Variants in SEC61A1 observed in about 807,000 individuals in gnomAD.
The protein encoded by SEC61A1 is protein transport protein Sec61 subunit alpha isoform 1.
In SEC61A1, 15 loss-of-function variants were observed where a neutral mutation model predicts 55.2. That is an observed-to-expected ratio of 0.27 (90% confidence interval 0.18 to 0.42). SEC61A1 has a LOEUF of 0.42. Ranked by LOEUF, SEC61A1 falls within the 10% of genes least tolerant of loss-of-function variation. The pLI is 1.00. For synonymous variants in SEC61A1, 247 were observed against 234.0 expected (o/e 1.06, Z -0.51); for missense variants, 284 against 602.6 (o/e 0.47, Z 5.53).
intron 11 of SEC61A1, among the ~76,000 whole-genome samples, chr3:128,069,114 A>G (rs1428424169): frequency 6.6e-6 from 1 of 152,270 alleles, no homozygotes; most frequent in Non-Finnish European, 1.5e-5. Flanking sequence ...AAAAAGAAAC[A>G]GGTGAAATTA....
In SEC61A1 at chr3:128,071,105, C is replaced by A. The variant is rs966413495; in HGVS notation, c.*1443C>A. 26 of 152,360 alleles carry A rather than the reference C, an allele frequency of 1.7e-4. No individual in the cohort carries two copies. The highest frequency in any genetic ancestry group is 6.0e-4 in the African/African-American group (25 of 41,442). 9.4% of individuals were successfully genotyped at this position (152,360 alleles called of 1,614,324 possible). On this transcript the variant is annotated 3_prime_UTR_variant, in exon 12 of 12. Transcript: ENST00000243253. ...CAAAGCACAGGGCCACCGCCACAGC[C>A]CGGCAGAGGGGCACACTCTGGAGAC... is the stretch of plus-strand genomic sequence containing the variant.
intron 2 of SEC61A1, among the ~76,000 whole-genome samples, chr3:128,054,180 C>A (rs1941735537): frequency 6.6e-6 from 1 of 152,132 alleles, no homozygotes; most frequent in African/African-American, 2.4e-5. Context: ...AACTGTGGTA[C>A]TGAGCAAGAA....
At chr3:128,060,327 T>A in intron 6 of SEC61A1, 116 bp downstream of exon 6, 1 of 1,062,438 alleles carries the variant, frequency 9.4e-7, no homozygotes, top group South Asian at 1.4e-5. Flanking sequence ...AGCAGAAGCC[T>A]AAGACTCTGG....
At chr3:128,053,753 A>G (rs991425773) in intron 2 of SEC61A1, among the ~76,000 whole-genome samples, 2 of 152,204 alleles carry the variant, frequency 1.3e-5, no homozygotes, top group Non-Finnish European at 2.9e-5. Flanking sequence ...CTCTGGAGGC[A>G]GGCAAGCCTA....
intron 4 of SEC61A1, 129 bp from the exon 5 acceptor site, chr3:128,056,580 C>T (rs1941773673): frequency 2.6e-6 from 2 of 765,148 alleles, no homozygotes; most frequent in Non-Finnish European, 3.9e-6. Flanking sequence ...AAATTAAACA[C>T]AGCTAGGAAA....
At chr3:128,057,953 A>G (rs1941797211) in intron 5 of SEC61A1, among the ~76,000 whole-genome samples, 1 of 152,152 alleles carries the variant, frequency 6.6e-6, no homozygotes, top group Admixed American at 6.5e-5. Context: ...GTTAGATGAT[A>G]GCTCTTATGT....
At chr3:128,054,504 C>G (rs1941741269) in intron 2 of SEC61A1, among the ~76,000 whole-genome samples, 1 of 152,220 alleles carries the variant, frequency 6.6e-6, no homozygotes, top group Non-Finnish European at 1.5e-5. Flanking sequence ...AACACTGATT[C>G]ACCCACTGTT....
chr3:128,055,596 G>A lies in SEC61A1; in HGVS notation c.141+15G>A. 6.2e-7 allele frequency: 1 copy of A among 1,612,116 alleles called. No individual in the cohort carries two copies. The highest frequency in any genetic ancestry group is 8.5e-7 in the Non-Finnish European group (1 of 1,178,112). The stretch of plus-strand genomic sequence containing the variant: ...TGTGCTGCCAGGTAAGCTCAGGCTT[G>A]TATTTCGTATTGGGGAGGGGGATAA... On this transcript the variant is annotated intron_variant, in intron 3 of 11. Transcript: ENST00000243253.
At chr3:128,065,149 A>G (rs1337999104) in intron 8 of SEC61A1, 112 bp downstream of exon 8, 2 of 1,183,438 alleles carry the variant, frequency 1.7e-6, no homozygotes, top group African/African-American at 1.5e-5. Context: ...TTGTGTTGAA[A>G]CGATGAGATG....
intron 7 of SEC61A1, 68 bp from the exon 8 acceptor site, chr3:128,064,809 T>A (rs906318476): frequency 4.4e-5 from 62 of 1,405,110 alleles, no homozygotes; most frequent in Non-Finnish European, 5.9e-5. Flanking sequence ...ATTTGTCTGC[T>A]AAGAAGGCTA....
intron 8 of SEC61A1, chr3:128,066,644 G>A (rs143165284): frequency 2.2e-4 from 82 of 376,492 alleles, no homozygotes; most frequent in African/African-American, 1.5e-3. Flanking sequence ...GGCTGGTATC[G>A]AACTTCTGGG....
chr3:128,060,016 C>T (rs1941830714), intron 5 of SEC61A1, 86 bp from the exon 6 acceptor site: 1 of 947,372 alleles, frequency 1.1e-6, no homozygotes, highest in Non-Finnish European at 1.7e-6. Flanking sequence ...CTCCCCCGTG[C>T]CTGGCGTTGA....
At chr3:128,056,926 ATTTAT>A in intron 5 of SEC61A1, 86 bp downstream of exon 5, 2 of 1,098,622 alleles carry the variant, frequency 1.8e-6, no homozygotes, top group East Asian at 6.4e-5. Context: ...TTCTTTTTTT[ATTTAT>A]TTTTTATTTT....
intron 6 of SEC61A1, 128 bp downstream of exon 6, chr3:128,060,339 T>C: frequency 9.6e-7 from 1 of 1,040,202 alleles, no homozygotes; most frequent in African/African-American, 1.6e-5. Flanking sequence ...AGACTCTGGG[T>C]TAGCCCTCTG....
Position 128,052,465 on chromosome 3 carries a change from A to C in SEC61A1, c.-88A>C. 1 of 1,529,024 alleles carries C rather than the reference A, an allele frequency of 6.5e-7. No homozygotes were observed. Among genetic ancestry groups the C allele is most frequent in the South Asian group, 1.2e-5 (1 of 80,600 alleles). 94.7% of individuals were successfully genotyped at this position (1,529,024 alleles called of 1,614,324 possible). On this transcript the variant is annotated 5_prime_UTR_variant, in exon 1 of 12. Transcript: ENST00000243253. The stretch of plus-strand genomic sequence containing the variant: ...GTGTCTCTCGGCGGAGCTGCTGTGC[A>C]GTGGAACGCGCTGGGCCGCGGGCAG...
intron 4 of SEC61A1, among the ~76,000 whole-genome samples, chr3:128,056,352 A>G (rs1941770458): frequency 6.6e-6 from 1 of 152,206 alleles, no homozygotes; most frequent in Non-Finnish European, 1.5e-5. Flanking sequence ...CTCCTTTTCC[A>G]GACTCTGGAA....
At chr3:128,068,111 T>A in intron 11 of SEC61A1, 52 bp downstream of exon 11, 1 of 1,466,178 alleles carries the variant, frequency 6.8e-7, no homozygotes, top group Non-Finnish European at 9.6e-7. Context: ...ATGTGTTGTT[T>A]CTTTCCATGC....
Position 128,067,296 on chromosome 3 carries a change from G to T in SEC61A1, c.976-125G>T, listed in dbSNP as rs1942010277. The T allele has an allele frequency of 5.4e-6, 7 of 1,303,078 alleles. No homozygotes were observed. The highest frequency in any genetic ancestry group is 7.5e-6 in the Non-Finnish European group (7 of 935,742). The allele number at this position is 1,303,078 out of a possible 1,614,324, so 80.7% of individuals were successfully genotyped here. A position where few individuals can be genotyped will look rare whatever the true frequency, so the allele number is the denominator to read the frequency against. ...TTCAGCACATTAAATTATCTTTTCA[G>T]TAAAAAAATTGTACTGTGGGCACCG... On this transcript the variant is annotated intron_variant, in intron 9 of 11. Coordinates refer to ENST00000243253, the MANE Select transcript of SEC61A1 (RefSeq NM_013336.4). The surrounding 1 kb of genome is among the most constrained non-coding windows in gnomAD (Gnocchi z 4.1).
chr3:128,051,979 G>T, upstream of SEC61A1: 1 of 1,182,542 alleles, frequency 8.5e-7, no homozygotes, highest in Non-Finnish European at 1.2e-6. Flanking sequence ...CGGGCGCCGC[G>T]GTAGACGCTG....
Sources: gnomAD v4.1 joint callset for allele counts (sites outside exome capture counted in the v4.1 genomes callset) on GRCh38, gnomAD v4.1.1 for gene constraint, Gnocchi (gnomAD v3.1) non-coding constraint, MANE v1.5 for transcripts, NCBI Gene and HGNC (gene_info 2026-07-23, HGNC 2026-07-21) for gene names.